Variants in NELL2 observed in about 807,000 individuals in gnomAD.
NELL2 encodes protein kinase C-binding protein NELL2.
Under a neutral mutation model 109.6 loss-of-function variants are expected in NELL2, and 41 were observed. The ratio of observed to expected loss-of-function variants is 0.37; its 90% CI spans 0.29 to 0.49. The LOEUF is 0.49. Among genes scored for constraint, NELL2 ranks in the 20% least tolerant of loss-of-function variants. The pLI, the probability that NELL2 is intolerant of heterozygous loss-of-function variation, is 0.98. For synonymous variants in NELL2, 355 were observed against 344.7 expected (o/e 1.03, Z -0.33); for missense variants, 900 against 1,008.3 (o/e 0.89, Z 1.45).
intron 2 of NELL2, 156 bp downstream of exon 2, chr12:44,875,069 G>C: frequency 2.0e-6 from 2 of 995,506 alleles, no homozygotes; most frequent in Admixed American, 2.9e-5. Context: ...CCACTTAAAA[G>C]AGATAGGGAT....
At chr12:44,912,750 T>A (rs1289369461) in intron 1 of NELL2, among the ~76,000 whole-genome samples, 2 of 152,174 alleles carry the variant, frequency 1.3e-5, no homozygotes, top group Non-Finnish European at 2.9e-5. Context: ...AAAATAATAG[T>A]AGTTTCCTAC....
chr12:44,547,499 AGATAG>A (rs1942848061), intron 15 of NELL2, among the ~76,000 whole-genome samples: 1 of 152,256 alleles, frequency 6.6e-6, no homozygotes, highest in African/African-American at 2.4e-5. Flanking sequence ...CTCATGAATA[AGATAG>A]CAGTTATCTT....
In NELL2 at chr12:44,655,765, A is replaced by G. The variant is rs144845010; in HGVS notation, c.1444+9719T>C. 7.3e-3 allele frequency among the ~76,000 whole-genome samples: 1,109 copies of G among 152,196 alleles called. 9 individuals are homozygous for G. The highest frequency in any genetic ancestry group is 0.021 in the African/African-American group (873 of 41,512). ...CCTGGTATTTTAATTTGCTTTTGTG[A>G]TCATGTTTATATTTTCAAATTACTT... is the stretch of plus-strand genomic sequence containing the variant. On this transcript the variant is annotated intron_variant, in intron 13 of 19. Coordinates refer to ENST00000429094, the MANE Select transcript of NELL2 (RefSeq NM_001145108.2).
rs149656322 is a variant in NELL2 at position 44,859,131 on chromosome 12, G to T, written c.184+16094C>A. Among the ~76,000 whole-genome samples, 1,165 of 152,184 alleles carry T rather than the reference G, an allele frequency of 7.7e-3. 15 individuals carry two copies. The highest frequency in any genetic ancestry group is 0.026 in the African/African-American group (1,090 of 41,512). ...TTTTCATGATTTACGATAAAATTTTGGTTCCTATTTTACTGTAATAATTTA... is the reference window on the plus strand; with the variant it reads ...TTTTCATGATTTACGATAAAATTTTTGTTCCTATTTTACTGTAATAATTTA... On this transcript the variant is annotated intron_variant, in intron 2 of 19. Transcript: ENST00000429094.
At chr12:44,816,237 T>TA (rs1176613929) in intron 2 of NELL2, 101 bp from the exon 3 acceptor site, 15 of 956,152 alleles carry the variant, frequency 1.6e-5, no homozygotes, top group African/African-American at 1.5e-4. Context: ...AGTTTATCAG[T>TA]AGCAGCTGAT....
upstream of NELL2, chr12:44,876,409 C>G: frequency 7.9e-7 from 1 of 1,266,032 alleles, no homozygotes; most frequent in Non-Finnish European, 1.0e-6. Flanking sequence ...GAGGGGCCGC[C>G]GAGGGCGAGG....
chr12:44,627,659 G>T (rs1216785093), intron 13 of NELL2, among the ~76,000 whole-genome samples: 1 of 145,102 alleles, frequency 6.9e-6, no homozygotes, highest in African/African-American at 2.8e-5. Context: ...AAAATGCACA[G>T]GGACATACTT....
At chr12:44,644,596 A>ATATATGTATT (rs1555190838) in intron 13 of NELL2, among the ~76,000 whole-genome samples, 2 of 82,856 alleles carry the variant, frequency 2.4e-5, no homozygotes, top group Admixed American at 1.3e-4. Flanking sequence ...ATATATATAT[A>ATATATGTATT]TATATATGTA....
At chr12:44,799,841 C>T (rs1942771323) in intron 3 of NELL2, among the ~76,000 whole-genome samples, 1 of 152,048 alleles carries the variant, frequency 6.6e-6, no homozygotes, top group South Asian at 2.1e-4. Context: ...TTTGTAGAGG[C>T]TCAAATAAAA....
intron 12 of NELL2, among the ~76,000 whole-genome samples, chr12:44,693,271 A>C (rs948574788): frequency 8.5e-5 from 13 of 152,190 alleles, no homozygotes; most frequent in Non-Finnish European, 1.8e-4. Context: ...TTGCAGTAAA[A>C]TATGTTTAAA....
chr12:44,571,338 A>G (rs1046258811), intron 15 of NELL2, among the ~76,000 whole-genome samples: 2 of 152,214 alleles, frequency 1.3e-5, no homozygotes, highest in African/African-American at 4.8e-5. Context: ...AGAGCACACA[A>G]TTCAGGCATG....
chr12:44,661,846 A>G (rs1272362783), intron 13 of NELL2, among the ~76,000 whole-genome samples: 1 of 149,284 alleles, frequency 6.7e-6, no homozygotes, highest in East Asian at 2.0e-4. Context: ...TCCCTTTTCC[A>G]TTTCTTTCCT....
At chr12:44,838,576 T>C (rs1402088371) in intron 2 of NELL2, among the ~76,000 whole-genome samples, 3 of 151,870 alleles carry the variant, frequency 2.0e-5, no homozygotes, top group East Asian at 3.9e-4. Context: ...AGGACTAATA[T>C]ATATAAACCA....
intron 15 of NELL2, among the ~76,000 whole-genome samples, chr12:44,578,623 T>C (rs1279964921): frequency 1.0e-5 from 1 of 96,348 alleles, no homozygotes; most frequent in East Asian, 4.8e-4. Flanking sequence ...ACCTTGCAAA[T>C]ATAGCCTTTT....
chr12:44,672,831 C>T (rs1038154008), intron 12 of NELL2, among the ~76,000 whole-genome samples: 3 of 152,216 alleles, frequency 2.0e-5, no homozygotes, highest in Admixed American at 6.5e-5. Context: ...AGTGTTGGGT[C>T]TACATCCCAG....
intron 15 of NELL2, among the ~76,000 whole-genome samples, chr12:44,533,195 G>A (rs1942162144): frequency 6.6e-6 from 1 of 152,128 alleles, no homozygotes; most frequent in African/African-American, 2.4e-5. Context: ...GCCATTTCCA[G>A]AGGCTCTAAA....
intron 12 of NELL2, 96 bp downstream of exon 12, chr12:44,703,630 G>T: frequency 8.1e-7 from 1 of 1,230,322 alleles, no homozygotes; most frequent in Non-Finnish European, 1.2e-6. Flanking sequence ...CTTTTAATGG[G>T]CCCATCAACT....
chr12:44,603,424 T>C (rs2060897), intron 15 of NELL2, among the ~76,000 whole-genome samples: 56,265 of 151,858 alleles, frequency 0.37, 11,055 homozygotes, highest in East Asian at 0.52. Flanking sequence ...GATAGCTTTG[T>C]ATATTAATTA....
chr12:44,816,502 C>T (rs956049713), intron 2 of NELL2, among the ~76,000 whole-genome samples: 4 of 152,180 alleles, frequency 2.6e-5, no homozygotes, highest in Non-Finnish European at 4.4e-5. Flanking sequence ...AAAAGATGTG[C>T]TTCCTAGAAT....
Sources: gnomAD v4.1 joint callset for allele counts (sites outside exome capture counted in the v4.1 genomes callset) on GRCh38, gnomAD v4.1.1 for gene constraint, MANE v1.5 for transcripts, NCBI Gene and HGNC (gene_info 2026-07-23, HGNC 2026-07-21) for gene names.